The following ZFPM2 variants were observed in gnomAD, a reference collection of about 807,000 sequenced individuals.
ZFPM2 encodes zinc finger protein, FOG family member 2, also known as zinc finger protein ZFPM2.
Under a neutral mutation model 98.6 loss-of-function variants are expected in ZFPM2, and 20 were observed. That is an observed-to-expected ratio of 0.20 (90% CI 0.14 to 0.29). The LOEUF (loss-of-function observed/expected upper bound fraction) is 0.29, where lower values mean the gene tolerates loss of function less well. ZFPM2 is among the 10% of genes least tolerant of loss of function. The pLI, the probability that ZFPM2 is intolerant of heterozygous loss-of-function variation, is 1.00. For synonymous variants in ZFPM2, 518 were observed against 502.7 expected (o/e 1.03, Z -0.41); for missense variants, 1,310 against 1,388.6 (o/e 0.94, Z 0.90).
At chr8:105,630,668 GA>G (rs1563750410) in intron 4 of ZFPM2, among the ~76,000 whole-genome samples, 1 of 151,966 alleles carries the variant, frequency 6.6e-6, no homozygotes, top group Non-Finnish European at 1.5e-5. Context: ...TACATGAATT[GA>G]TTACTTTTAT....
Position 105,553,548 on chromosome 8 carries a change from C to T in ZFPM2, c.302-7815C>T, listed in dbSNP as rs569204090. ...AGGGAATGTTTCTATTTTGCCACCA[C>T]CATTATGTTATCTTTTCCAGTGCAA... On this transcript the variant is annotated intron_variant, in intron 3 of 7. Coordinates refer to ENST00000407775, the MANE Select transcript of ZFPM2 (RefSeq NM_012082.4). Among the ~76,000 whole-genome samples, 36 of 152,262 alleles carry T rather than the reference C, an allele frequency of 2.4e-4. No individual in the cohort carries two copies. In the South Asian group the frequency reaches 7.5e-3, roughly 32 times the overall value.
Position 105,402,008 on chromosome 8 carries a change from T to C in ZFPM2, c.41-17136T>C, listed in dbSNP as rs73300200. Among the ~76,000 whole-genome samples the C allele has an allele frequency of 8.3e-3, 1,269 of 152,218 alleles. 16 individuals carry two copies. Among genetic ancestry groups the C allele is most frequent in the African/African-American group, 0.029 (1,194 of 41,562 alleles). The stretch of plus-strand genomic sequence containing the variant: ...TGTGTTCAAATTGTTTATATCCTTA[T>C]TTTTTGTTTCCTCAATATGGCATTG... On this transcript the variant is annotated intron_variant, in intron 1 of 7. Transcript: ENST00000407775.
intron 4 of ZFPM2, among the ~76,000 whole-genome samples, chr8:105,633,908 A>G (rs760618530): frequency 6.6e-6 from 1 of 152,104 alleles, no homozygotes; most frequent in Non-Finnish European, 1.5e-5. Context: ...TCTAAAGTTC[A>G]CTTCTAAACA....
chr8:105,706,358 A>T (rs1253755504), intron 5 of ZFPM2, among the ~76,000 whole-genome samples: 2 of 152,198 alleles, frequency 1.3e-5, no homozygotes, highest in African/African-American at 4.8e-5. Context: ...AGTATGCAAA[A>T]ATGAAGACTA....
intron 3 of ZFPM2, among the ~76,000 whole-genome samples, chr8:105,557,826 C>A (rs1409758442): frequency 6.6e-6 from 1 of 152,180 alleles, no homozygotes; most frequent in Non-Finnish European, 1.5e-5. Context: ...AAACATCCAT[C>A]CTCTGATAAA....
chr8:105,404,606 T>G (rs1480635422), intron 1 of ZFPM2, among the ~76,000 whole-genome samples: 1 of 152,084 alleles, frequency 6.6e-6, no homozygotes, highest in Non-Finnish European at 1.5e-5. Context: ...AATAGTCAAT[T>G]AACTCTAACC....
At chr8:105,463,016 A>T (rs1157414573) in intron 3 of ZFPM2, among the ~76,000 whole-genome samples, 1 of 151,306 alleles carries the variant, frequency 6.6e-6, no homozygotes. Flanking sequence ...GATAAATAAT[A>T]AAAAAAATAT....
intron 1 of ZFPM2, among the ~76,000 whole-genome samples, chr8:105,384,839 T>G (rs1810952529): frequency 1.3e-5 from 2 of 152,156 alleles, no homozygotes; most frequent in Admixed American, 1.3e-4. Context: ...ACCTGGGAAA[T>G]AGGTTCTTGA....
At chr8:105,759,845 C>T (rs1187924520) in intron 5 of ZFPM2, among the ~76,000 whole-genome samples, 2 of 151,778 alleles carry the variant, frequency 1.3e-5, no homozygotes, top group Non-Finnish European at 2.9e-5. Flanking sequence ...CTGACCATTG[C>T]CAGGGATAAT....
At chr8:105,770,608 A>C (rs1468389977) in intron 5 of ZFPM2, among the ~76,000 whole-genome samples, 1 of 152,068 alleles carries the variant, frequency 6.6e-6, no homozygotes, top group Non-Finnish European at 1.5e-5. Context: ...CCCATTTATA[A>C]CTCAACCTTA....
At chr8:105,405,281 AATTTT>A (rs1811422981) in intron 1 of ZFPM2, among the ~76,000 whole-genome samples, 1 of 151,578 alleles carries the variant, frequency 6.6e-6, no homozygotes, top group South Asian at 2.1e-4. Context: ...GATTTTTTTT[AATTTT>A]ATTATTATTA....
Position 105,434,542 on chromosome 8 carries a change from T to C in ZFPM2, c.200-9738T>C, listed in dbSNP as rs75994042. On this transcript the variant is annotated intron_variant, in intron 2 of 7. Transcript: ENST00000407775. ...TTTCATCTCTTTTATGACCTTATCT[T>C]TCATGAGCTTCTTCTGTGAAGGTAT... 6.5e-3 allele frequency among the ~76,000 whole-genome samples: 996 copies of C among 152,328 alleles called. 8 individuals carry two copies. Among genetic ancestry groups the C allele is most frequent in the African/African-American group, 0.023 (949 of 41,570 alleles).
chr8:105,394,084 G>A (rs1180695619), intron 1 of ZFPM2, among the ~76,000 whole-genome samples: 1 of 151,776 alleles, frequency 6.6e-6, no homozygotes, highest in Non-Finnish European at 1.5e-5. Context: ...TATTAGAGTC[G>A]GGGTTTCACC....
At chr8:105,677,877 T>C (rs1356055042) in intron 5 of ZFPM2, among the ~76,000 whole-genome samples, 1 of 152,176 alleles carries the variant, frequency 6.6e-6, no homozygotes, top group Non-Finnish European at 1.5e-5. Context: ...TGTTTTGAGG[T>C]ATTTTCTTTT....
chr8:105,462,701 ACAT>A (rs1306590387), intron 3 of ZFPM2, among the ~76,000 whole-genome samples: 2 of 152,026 alleles, frequency 1.3e-5, no homozygotes, highest in Non-Finnish European at 2.9e-5. Flanking sequence ...TATAACCATG[ACAT>A]CATCATCAGC....
chr8:105,612,236 A>T (rs1287342561), intron 4 of ZFPM2, among the ~76,000 whole-genome samples: 1 of 152,200 alleles, frequency 6.6e-6, no homozygotes, highest in Non-Finnish European at 1.5e-5. Context: ...ATCTTAAATA[A>T]ACTAGAATAT....
At chr8:105,606,373 T>A (rs1402198089) in intron 4 of ZFPM2, among the ~76,000 whole-genome samples, 1 of 151,982 alleles carries the variant, frequency 6.6e-6, no homozygotes, top group Non-Finnish European at 1.5e-5. Context: ...TTTTTTTCAT[T>A]TGAGTTGTTG....
chr8:105,595,798 C>G (rs1193400388), intron 4 of ZFPM2, among the ~76,000 whole-genome samples: 1 of 151,874 alleles, frequency 6.6e-6, no homozygotes, highest in African/African-American at 2.4e-5. Flanking sequence ...AAAATAATCT[C>G]TTTTATTGGT....
intron 1 of ZFPM2, among the ~76,000 whole-genome samples, chr8:105,350,517 T>C (rs1324595177): frequency 6.6e-6 from 1 of 152,066 alleles, no homozygotes; most frequent in Non-Finnish European, 1.5e-5. Flanking sequence ...CTGCATAGAC[T>C]GAATCTTAGG....
Sources: gnomAD v4.1 joint callset for allele counts (sites outside exome capture counted in the v4.1 genomes callset) on GRCh38, gnomAD v4.1.1 for gene constraint, MANE v1.5 for transcripts, NCBI Gene and HGNC (gene_info 2026-07-23, HGNC 2026-07-21) for gene names.